Variants in XPNPEP3 observed in about 807,000 individuals in gnomAD.
XPNPEP3 encodes xaa-Pro aminopeptidase 3.
Under a neutral mutation model 60.0 loss-of-function variants are expected in XPNPEP3, and 41 were observed. The ratio of observed to expected loss-of-function variants is 0.68; its 90% confidence interval spans 0.53 to 0.89. XPNPEP3 has a LOEUF of 0.89. Among genes scored for constraint, XPNPEP3 ranks in the 40% least tolerant of loss-of-function variants. The pLI is 0.00. For synonymous variants in XPNPEP3, 212 were observed against 223.2 expected (o/e 0.95, Z 0.45); for missense variants, 598 against 638.9 (o/e 0.94, Z 0.69).
intron 1 of XPNPEP3, among the ~76,000 whole-genome samples, chr22:40,867,433 G>A (rs1241742560): frequency 6.6e-6 from 1 of 152,150 alleles, no homozygotes; most frequent in Non-Finnish European, 1.5e-5. Flanking sequence ...GTATTTGGGA[G>A]AGAAGAGTCT....
chr22:40,858,295 C>T (rs1267147463), intron 1 of XPNPEP3, among the ~76,000 whole-genome samples: 2 of 149,280 alleles, frequency 1.3e-5, no homozygotes, highest in Non-Finnish European at 3.0e-5. Flanking sequence ...GTAGTAGAAA[C>T]CAGGTTTTGC....
At chr22:40,869,321 T>G (rs1482248272) in intron 2 of XPNPEP3, among the ~76,000 whole-genome samples, 1 of 152,224 alleles carries the variant, frequency 6.6e-6, no homozygotes, top group Non-Finnish European at 1.5e-5. Context: ...AATTTAAATT[T>G]AAGCTTAACT....
intron 4 of XPNPEP3, among the ~76,000 whole-genome samples, chr22:40,904,310 T>C (rs1280090208): frequency 6.6e-6 from 1 of 152,174 alleles, no homozygotes; most frequent in Non-Finnish European, 1.5e-5. Context: ...TAAAGCAAGA[T>C]TAGGCATTTG....
At chr22:40,881,241 G>A (rs946836599) in intron 2 of XPNPEP3, among the ~76,000 whole-genome samples, 2 of 151,772 alleles carry the variant, frequency 1.3e-5, no homozygotes, top group Non-Finnish European at 2.9e-5. Context: ...TAGAGATGAG[G>A]TTTTACCATG....
chr22:40,879,488 T>C (rs1011487539), intron 2 of XPNPEP3, among the ~76,000 whole-genome samples: 5 of 152,168 alleles, frequency 3.3e-5, no homozygotes, highest in Admixed American at 2.6e-4. Context: ...GGCAGATTGC[T>C]TGAGGCCGGG....
intron 1 of XPNPEP3, chr22:40,861,596 A>G (rs749106346): frequency 1.5e-5 from 24 of 1,613,060 alleles, no homozygotes; most frequent in East Asian, 8.9e-5. Context: ...AGTATCCTGC[A>G]TCTCTGTTTC....
rs1381741486 is a variant in XPNPEP3 at position 40,932,040 on chromosome 22, A to T, written c.*5605A>T. The stretch of plus-strand genomic sequence containing the variant: ...CTTTGTTAATAATACAGAGATCAGA[A>T]ATGTGAAGCACAAATGCTGCTTCTC... On this transcript the variant is annotated 3_prime_UTR_variant, in exon 10 of 10. Coordinates refer to ENST00000357137, the MANE Select transcript of XPNPEP3 (RefSeq NM_022098.4). 1.3e-5 allele frequency: 2 copies of T among 152,202 alleles called. No individual in the cohort carries two copies. Among genetic ancestry groups the T allele is most frequent in the African/African-American group, 2.4e-5 (1 of 41,456 alleles). 9.4% of individuals were successfully genotyped at this position (152,202 alleles called of 1,614,324 possible).
chr22:40,911,726 A>G (rs998506231), intron 6 of XPNPEP3, among the ~76,000 whole-genome samples: 2 of 151,908 alleles, frequency 1.3e-5, no homozygotes, highest in African/African-American at 4.8e-5. Flanking sequence ...TTTTAGTAGA[A>G]ACGAGGTTTC....
intron 2 of XPNPEP3, among the ~76,000 whole-genome samples, chr22:40,873,519 G>A (rs1447434262): frequency 2.0e-5 from 3 of 151,864 alleles, no homozygotes; most frequent in South Asian, 2.1e-4. Context: ...CATCTCTATC[G>A]TCAACTATAA....
intron 1 of XPNPEP3, chr22:40,862,563 T>C: frequency 9.1e-6 from 9 of 985,444 alleles, no homozygotes; most frequent in Non-Finnish European, 1.1e-5. Flanking sequence ...ATAATAGTTA[T>C]GATGAGAGGA....
Position 40,857,189 on chromosome 22 carries a change from G to A in XPNPEP3, c.8G>A (p.Trp3Ter). Residue 3 changes from tryptophan to a stop codon, truncating the protein, a stop_gained, in exon 1 of 10, where the codon TGG becomes TAG. Transcript: ENST00000357137. LOFTEE classifies it high-confidence loss of function. ...CGCGTGAGTTAGGCCGTAATGCCTTGGCTGCTCTCAGCCCCCAAGCTGGTT... is the reference window on the plus strand; with the variant it reads ...CGCGTGAGTTAGGCCGTAATGCCTTAGCTGCTCTCAGCCCCCAAGCTGGTT... MP[W>*]LLSAPKLVPA... The A allele has an allele frequency of 6.2e-7, 1 of 1,614,164 alleles. No homozygotes were observed. The highest frequency in any genetic ancestry group is 8.5e-7 in the Non-Finnish European group (1 of 1,180,002).
chr22:40,903,354 C>G (rs1221520788), intron 4 of XPNPEP3, among the ~76,000 whole-genome samples: 1 of 152,102 alleles, frequency 6.6e-6, no homozygotes, highest in African/African-American at 2.4e-5. Flanking sequence ...ATTTTGGTAA[C>G]CCTCTTCTGT....
intron 1 of XPNPEP3, among the ~76,000 whole-genome samples, chr22:40,863,126 A>G (rs2057960540): frequency 6.6e-6 from 1 of 152,222 alleles, no homozygotes; most frequent in Non-Finnish European, 1.5e-5. Flanking sequence ...TAAAGCTAGC[A>G]CTTATTTCAA....
intron 8 of XPNPEP3, among the ~76,000 whole-genome samples, chr22:40,922,785 C>A (rs573955828): frequency 1.3e-5 from 2 of 152,012 alleles, no homozygotes; most frequent in Non-Finnish European, 2.9e-5. Context: ...TATATACATA[C>A]ACACACAGGG....
intron 2 of XPNPEP3, among the ~76,000 whole-genome samples, chr22:40,878,682 G>T (rs966318217): frequency 5.3e-5 from 8 of 151,810 alleles, no homozygotes; most frequent in Non-Finnish European, 8.8e-5. Flanking sequence ...TGCCTCCTGG[G>T]TTTAAGCAAT....
chr22:40,919,718 C>T (rs1800625493), intron 7 of XPNPEP3, among the ~76,000 whole-genome samples: 1 of 152,132 alleles, frequency 6.6e-6, no homozygotes, highest in Non-Finnish European at 1.5e-5. Flanking sequence ...AAGGGTTGCA[C>T]AAGGACATTC....
rs150779590 is a variant in XPNPEP3 at position 40,881,724 on chromosome 22, T to C, written c.182-46T>C. 8.8e-5 allele frequency: 142 copies of C among 1,605,666 alleles called. 1 individual carries two copies. In the African/African-American group the frequency reaches 1.7e-3, roughly 19 times the overall value. On this transcript the variant is annotated intron_variant, in intron 2 of 9. Transcript: ENST00000357137. ...TAATATTAAACTACCTTAAGTACTT[T>C]GGCACTGCAGAAATGTAAAGCATCC...
intron 6 of XPNPEP3, among the ~76,000 whole-genome samples, 173 bp from the exon 7 acceptor site, chr22:40,914,066 C>T (rs556847526): frequency 2.7e-5 from 4 of 150,342 alleles, no homozygotes; most frequent in South Asian, 2.1e-4. Flanking sequence ...CGCTTGAACG[C>T]GGGAAGCGGA....
intron 3 of XPNPEP3, among the ~76,000 whole-genome samples, chr22:40,884,934 A>C (rs886347749): frequency 1.3e-5 from 2 of 151,614 alleles, no homozygotes; most frequent in Non-Finnish European, 2.9e-5. Flanking sequence ...AGGTTGAGGC[A>C]GGGGAATTGC....
Sources: gnomAD v4.1 joint callset for allele counts (sites outside exome capture counted in the v4.1 genomes callset) on GRCh38, gnomAD v4.1.1 for gene constraint, MANE v1.5 for transcripts, NCBI Gene and HGNC (gene_info 2026-07-23, HGNC 2026-07-21) for gene names.